Variants in CNGA3 observed in about 807,000 individuals in gnomAD.
CNGA3 encodes the protein cyclic nucleotide gated channel subunit alpha 3, also known as cyclic nucleotide-gated channel alpha-3.
In CNGA3, 42 loss-of-function variants were observed where a neutral mutation model predicts 46.6. The ratio of observed to expected loss-of-function variants is 0.90; its 90% CI spans 0.70 to 1.17. The LOEUF (loss-of-function observed/expected upper bound fraction) is 1.17. CNGA3 is among the 50% of genes most tolerant of loss of function. The pLI, the probability that CNGA3 is intolerant of heterozygous loss-of-function variation, is 0.00. For synonymous variants in CNGA3, 394 were observed against 369.4 expected, an observed-to-expected ratio of 1.07 and a Z score of -0.76; for missense variants, 893 against 890.7, an observed-to-expected ratio of 1.00 and a Z score of -0.03.
chr2:98,383,296 TG>T, intron 4 of CNGA3, 91 bp from the exon 5 acceptor site: 6 of 1,197,580 alleles, frequency 5.0e-6, no homozygotes, highest in Non-Finnish European at 7.5e-6. Flanking sequence ...GGATAGGGAT[TG>T]GGGGGTGGGG....
intron 1 of CNGA3, among the ~76,000 whole-genome samples, chr2:98,354,084 C>T (rs553428488): frequency 9.9e-5 from 15 of 152,226 alleles, no homozygotes; most frequent in African/African-American, 3.1e-4. Flanking sequence ...ATATCACCTA[C>T]GTACAACCTC....
At chr2:98,376,232 A>G (rs1468255275) in intron 2 of CNGA3, among the ~76,000 whole-genome samples, 2 of 152,172 alleles carry the variant, frequency 1.3e-5, no homozygotes, top group African/African-American at 4.8e-5. Context: ...AACCACCAGA[A>G]ACACACAAAG....
chr2:98,386,447 AG>A (rs1692656508), intron 5 of CNGA3, among the ~76,000 whole-genome samples: 2 of 152,308 alleles, frequency 1.3e-5, no homozygotes, highest in African/African-American at 4.8e-5. Flanking sequence ...GGTTTTGTAA[AG>A]GGGAGTTCCC....
Position 98,396,377 on chromosome 2 carries a change from A to C in CNGA3, c.1207A>C (p.Ile403Leu). ...ATIVGNVGSM[I>L]SNMNASRAEF... Reference sequence around the variant, plus strand: ...CATTGTGGGCAATGTGGGCTCCATGATCTCGAATATGAATGCCTCACGGGC... The same window carrying C: ...CATTGTGGGCAATGTGGGCTCCATGCTCTCGAATATGAATGCCTCACGGGC... Residue 403 changes from isoleucine to leucine, a missense_variant, in exon 8 of 8, where the codon ATC becomes CTC. Ile to Leu is a conservative substitution (Grantham distance 5, BLOSUM62 2). Coordinates refer to ENST00000272602, the MANE Select transcript of CNGA3 (RefSeq NM_001298.3). 1 of 1,613,574 alleles carries C rather than the reference A, an allele frequency of 6.2e-7. No individual in the cohort carries two copies. Among genetic ancestry groups the C allele is most frequent in the South Asian group, 1.1e-5 (1 of 91,060 alleles).
intron 6 of CNGA3, among the ~76,000 whole-genome samples, chr2:98,390,314 A>G (rs572984046): frequency 4.1e-5 from 6 of 147,788 alleles, no homozygotes; most frequent in African/African-American, 1.5e-4. Flanking sequence ...ATATATATAT[A>G]TGTATTTTTT....
chr2:98,375,689 T>C (rs1692388473), intron 2 of CNGA3, among the ~76,000 whole-genome samples: 2 of 152,212 alleles, frequency 1.3e-5, no homozygotes, highest in South Asian at 4.1e-4. Flanking sequence ...GGTACAGCCA[T>C]ATGGATTACA....
chr2:98,353,164 T>C (rs1055195273), intron 1 of CNGA3, among the ~76,000 whole-genome samples: 2 of 152,184 alleles, frequency 1.3e-5, no homozygotes, highest in Non-Finnish European at 2.9e-5. Flanking sequence ...TTCCAATATA[T>C]TTATTGAAAG....
At chr2:98,352,528 A>G (rs1691790042) in intron 1 of CNGA3, among the ~76,000 whole-genome samples, 1 of 152,184 alleles carries the variant, frequency 6.6e-6, no homozygotes, top group Non-Finnish European at 1.5e-5. Flanking sequence ...GTTTTTCCAC[A>G]TCACATTGTG....
chr2:98,387,760 C>T (rs555815100), intron 5 of CNGA3, among the ~76,000 whole-genome samples: 29 of 152,352 alleles, frequency 1.9e-4, no homozygotes, highest in African/African-American at 7.0e-4. Context: ...TGTTGCTTCC[C>T]TTCTGCTCAC....
intron 1 of CNGA3, among the ~76,000 whole-genome samples, chr2:98,359,120 C>T (rs748273080): frequency 5.3e-5 from 8 of 152,170 alleles, no homozygotes; most frequent in Non-Finnish European, 1.2e-4. Context: ...TCAAACTGAT[C>T]GCCACTCTGG....
intron 1 of CNGA3, among the ~76,000 whole-genome samples, chr2:98,366,201 T>G (rs1692145768): frequency 6.6e-6 from 1 of 152,210 alleles, no homozygotes; most frequent in South Asian, 2.1e-4. Context: ...CCCATTCACC[T>G]GGATCCCTCC....
intron 1 of CNGA3, among the ~76,000 whole-genome samples, chr2:98,367,460 C>T (rs979742647): frequency 1.3e-5 from 2 of 152,128 alleles, no homozygotes; most frequent in Non-Finnish European, 2.9e-5. Context: ...TCCCAAAGTG[C>T]GGGGATTACG....
chr2:98,389,780 C>A lies in CNGA3; in HGVS notation c.566+6C>A, dbSNP rs199558955. ...TGGTATCTGCTTATTTGCAGGTAAG[C>A]GACAGGGGTGGAAGGTGCAGCGGAA... On this transcript the variant is annotated splice_donor_region_variant and intron_variant, in intron 6 of 7. Transcript: ENST00000272602. The A allele has an allele frequency of 1.2e-6, 2 of 1,608,644 alleles. No individual in the cohort carries two copies. Among genetic ancestry groups the A allele is most frequent in the Admixed American group, 1.7e-5 (1 of 60,002 alleles).
chr2:98,380,924 G>C (rs1439749104), intron 4 of CNGA3, among the ~76,000 whole-genome samples: 1 of 152,200 alleles, frequency 6.6e-6, no homozygotes, highest in Non-Finnish European at 1.5e-5. Context: ...ACAATGGTGA[G>C]AGTAGAGCGA....
At chr2:98,361,334 T>C (rs1037172834) in intron 1 of CNGA3, among the ~76,000 whole-genome samples, 4 of 152,178 alleles carry the variant, frequency 2.6e-5, no homozygotes, top group African/African-American at 9.7e-5. Flanking sequence ...TCCAGCTCCA[T>C]CCATGTCCCT....
rs1272199156 is a variant in CNGA3, at chr2:98,367,665, C to A, written c.-37-2274C>A. ...CCCTGTCTCAATGGGCAGGCAACACCCCCCATCACCCCAGCTGTTGGGGCA... is the reference window on the plus strand; with the variant it reads ...CCCTGTCTCAATGGGCAGGCAACACACCCCATCACCCCAGCTGTTGGGGCA... On this transcript the variant is annotated intron_variant, in intron 1 of 7. Coordinates refer to ENST00000272602, the MANE Select transcript of CNGA3 (RefSeq NM_001298.3). Among the ~76,000 whole-genome samples the A allele has an allele frequency of 2.6e-5, 4 of 152,246 alleles. No homozygotes were observed. The East Asian group carries it at 7.7e-4, about 29-fold the overall frequency.
At chr2:98,354,628 T>A (rs1691839469) in intron 1 of CNGA3, among the ~76,000 whole-genome samples, 1 of 151,998 alleles carries the variant, frequency 6.6e-6, no homozygotes, top group African/African-American at 2.4e-5. Flanking sequence ...CTACAAAAAA[T>A]TTAAAATATA....
chr2:98,352,821 G>A (rs913198526), intron 1 of CNGA3, among the ~76,000 whole-genome samples: 1 of 152,076 alleles, frequency 6.6e-6, no homozygotes, highest in Admixed American at 6.6e-5. Context: ...CTGCACCACT[G>A]GCTTTTCTGG....
In CNGA3 at chr2:98,396,965, G is replaced by A. The variant is rs376992789; in HGVS notation, c.1795G>A (p.Glu599Lys). ...TEYPEAKKALEEKGRQILMKD... is the reference protein window; with the variant it reads ...TEYPEAKKALKEKGRQILMKD... ...GTACCCCGAAGCCAAGAAGGCCCTG[G>A]AGGAGAAAGGACGGCAGATCCTGAT... Residue 599 changes from glutamate (E) to lysine (K), a missense_variant, in exon 8 of 8, where the codon GAG (glutamate) becomes AAG (lysine). Transcript: ENST00000272602. The A allele has an allele frequency of 2.5e-6, 4 of 1,614,040 alleles. No homozygotes were observed. The African/African-American group carries it at 4.0e-5, about 16-fold the overall frequency.
Sources: allele counts gnomAD v4.1 joint callset (sites outside exome capture counted in the v4.1 genomes callset), GRCh38; gene constraint gnomAD v4.1.1; transcripts MANE v1.5; gene names NCBI Gene and HGNC (gene_info 2026-07-23, HGNC 2026-07-21).